TMEM248: variants seen among roughly 807,000 people sequenced by gnomAD.
TMEM248 encodes the protein transmembrane protein 248, also known as UPF0458 protein C7orf42.
A neutral mutation model predicts 30.3 loss-of-function variants in TMEM248; 9 were observed. The observed-to-expected ratio is 0.30, with a 90% CI of 0.18 to 0.52. The LOEUF (loss-of-function observed/expected upper bound fraction) is 0.52, where lower values mean the gene tolerates loss of function less well. Among genes scored for constraint, TMEM248 ranks in the 20% least tolerant of loss-of-function variants. TMEM248 has a pLI of 0.97. For synonymous variants in TMEM248, 184 were observed against 154.4 expected, an observed-to-expected ratio of 1.19 and a Z score of -1.42; for missense variants, 338 against 403.3, an observed-to-expected ratio of 0.84 and a Z score of 1.39.
chr7:66,923,952 C>CTGTGCTGGGATT (rs1282080848), intron 1 of TMEM248, among the ~76,000 whole-genome samples: 1 of 152,214 alleles, frequency 6.6e-6, no homozygotes, highest in Non-Finnish European at 1.5e-5. Context: ...AGGCGTGAGC[C>CTGTGCTGGGATT]ACCAGGCCTG....
intron 3 of TMEM248, among the ~76,000 whole-genome samples, chr7:66,946,593 G>A (rs758808833): frequency 1.3e-4 from 20 of 151,518 alleles, no homozygotes; most frequent in Non-Finnish European, 2.2e-4. Context: ...AAAAAAAAAG[G>A]CCTAACATTT....
intron 1 of TMEM248, among the ~76,000 whole-genome samples, chr7:66,937,879 T>A: frequency 6.6e-6 from 1 of 152,004 alleles, no homozygotes; most frequent in Admixed American, 6.6e-5. Flanking sequence ...CCTGGCTAAT[T>A]TTTTGTATTT....
chr7:66,931,655 T>G (rs1791668962), intron 1 of TMEM248, among the ~76,000 whole-genome samples: 1 of 151,862 alleles, frequency 6.6e-6, no homozygotes, highest in African/African-American at 2.4e-5. Context: ...AAAAATTGTT[T>G]TTTGTAGAGA....
intron 1 of TMEM248, among the ~76,000 whole-genome samples, chr7:66,939,287 A>G (rs539936879): frequency 7.2e-5 from 11 of 152,332 alleles, no homozygotes; most frequent in African/African-American, 2.2e-4. Flanking sequence ...ACCTGTTGCA[A>G]TGCGCTTGGT....
chr7:66,953,431 C>T (rs1792320086), intron 6 of TMEM248, 62 bp downstream of exon 6: 2 of 1,572,036 alleles, frequency 1.3e-6, no homozygotes, highest in South Asian at 2.3e-5. Context: ...CAGAAAGTCC[C>T]AGTTATCCTT....
At chr7:66,943,969 A>G (rs1436097358) in intron 2 of TMEM248, among the ~76,000 whole-genome samples, 1 of 151,642 alleles carries the variant, frequency 6.6e-6, no homozygotes, top group Non-Finnish European at 1.5e-5. Context: ...TAATTTTTGT[A>G]TTTTTAGTAG....
intron 1 of TMEM248, 62 bp from the exon 2 acceptor site, chr7:66,941,786 A>G: frequency 2.7e-6 from 4 of 1,466,848 alleles, no homozygotes. Flanking sequence ...AAAGGAAACA[A>G]AAGAATCATA....
At chr7:66,947,484 C>T (rs1792139379) in intron 3 of TMEM248, among the ~76,000 whole-genome samples, 2 of 152,018 alleles carry the variant, frequency 1.3e-5, no homozygotes, top group African/African-American at 4.8e-5. Flanking sequence ...CTCACTGCAA[C>T]CTCTGTCTCC....
At chr7:66,938,215 T>G (rs185641907) in intron 1 of TMEM248, among the ~76,000 whole-genome samples, 100 of 152,336 alleles carry the variant, frequency 6.6e-4, no homozygotes, top group Non-Finnish European at 1.2e-3. Flanking sequence ...AGTTGTTTTT[T>G]GGTTGTTTTG....
At chr7:66,925,219 C>T (rs951380960) in intron 1 of TMEM248, among the ~76,000 whole-genome samples, 1 of 152,010 alleles carries the variant, frequency 6.6e-6, no homozygotes, top group South Asian at 2.1e-4. Flanking sequence ...CAAGGTCTCA[C>T]TCTGTTGCTC....
At chr7:66,943,776 G>A (rs1421219298) in intron 2 of TMEM248, among the ~76,000 whole-genome samples, 6 of 151,548 alleles carry the variant, frequency 4.0e-5, no homozygotes, top group African/African-American at 7.3e-5. Context: ...ACTGGGCTGG[G>A]TAGGGGTTGC....
chr7:66,937,811 A>G (rs974398389), intron 1 of TMEM248, among the ~76,000 whole-genome samples: 3 of 152,102 alleles, frequency 2.0e-5, no homozygotes, highest in African/African-American at 2.4e-5. Flanking sequence ...CCCAGGTTCA[A>G]GTGATCCTCC....
At chr7:66,927,969 C>G (rs1333766359) in intron 1 of TMEM248, among the ~76,000 whole-genome samples, 1 of 152,166 alleles carries the variant, frequency 6.6e-6, no homozygotes, top group East Asian at 1.9e-4. Flanking sequence ...AATCCCAGCA[C>G]TTTGGGAAGC....
At chr7:66,929,473 C>T (rs919080438) in intron 1 of TMEM248, among the ~76,000 whole-genome samples, 15 of 120,212 alleles carry the variant, frequency 1.2e-4, no homozygotes, top group African/African-American at 3.8e-4. Context: ...CTCTTGCTCT[C>T]GTGCCCAGGC....
At chr7:66,943,149 T>C (rs1439254113) in intron 2 of TMEM248, among the ~76,000 whole-genome samples, 1 of 152,144 alleles carries the variant, frequency 6.6e-6, no homozygotes, top group African/African-American at 2.4e-5. Flanking sequence ...TTCTCTCTCT[T>C]TTCTGACCCT....
intron 1 of TMEM248, chr7:66,930,656 TC>T (rs1791640391): frequency 1.3e-5 from 2 of 152,586 alleles, no homozygotes; most frequent in Admixed American, 6.5e-5. Context: ...GAAGATGGTT[TC>T]TGCGCAGTGC....
intron 1 of TMEM248, among the ~76,000 whole-genome samples, chr7:66,928,056 A>T (rs1186795012): frequency 6.6e-6 from 1 of 152,140 alleles, no homozygotes; most frequent in Admixed American, 6.6e-5. Flanking sequence ...CTCTACTAAA[A>T]ATACAAAAAT....
intron 1 of TMEM248, among the ~76,000 whole-genome samples, chr7:66,929,432 T>C (rs949803811): frequency 2.5e-4 from 32 of 128,396 alleles, no homozygotes; most frequent in Non-Finnish European, 2.7e-4. Context: ...ACAAATTTTT[T>C]TTTTTTTTTT....
chr7:66,923,722 C>T (rs1791449532), intron 1 of TMEM248, among the ~76,000 whole-genome samples: 1 of 152,040 alleles, frequency 6.6e-6, no homozygotes, highest in Non-Finnish European at 1.5e-5. Context: ...GCTCTGTTGC[C>T]CAGGTTGGAG....
Sources: gnomAD v4.1 joint callset for allele counts (sites outside exome capture counted in the v4.1 genomes callset) on GRCh38, gnomAD v4.1.1 for gene constraint, MANE v1.5 for transcripts, NCBI Gene and HGNC (gene_info 2026-07-23, HGNC 2026-07-21) for gene names.